Variants in ARHGAP17 observed in about 807,000 individuals in gnomAD.
ARHGAP17 encodes Rho GTPase activating protein 17, also known as rho GTPase-activating protein 17.
ARHGAP17 carries 57 observed loss-of-function variants against 99.5 expected under a neutral mutation model. The ratio of observed to expected loss-of-function variants is 0.57; its 90% CI spans 0.46 to 0.71. The LOEUF is 0.71. Ranked by LOEUF, ARHGAP17 falls within the 30% of genes least tolerant of loss-of-function variation. The pLI is 0.00. For missense variants in ARHGAP17, 1,000 were observed against 1,122.4 expected (o/e 0.89, Z 1.56); for synonymous variants, 417 against 429.6 (o/e 0.97, Z 0.36).
chr16:24,959,323 T>G (rs951603411), intron 9 of ARHGAP17, among the ~76,000 whole-genome samples: 2 of 152,202 alleles, frequency 1.3e-5, no homozygotes, highest in Non-Finnish European at 2.9e-5. Context: ...TGGCCAGAAT[T>G]AAGTCCTGTG....
At chr16:24,987,888 C>T (rs918774240) in intron 1 of ARHGAP17, among the ~76,000 whole-genome samples, 10 of 152,222 alleles carry the variant, frequency 6.6e-5, no homozygotes, top group African/African-American at 2.2e-4. Context: ...ATAAGACAGA[C>T]TGTGACTAAT....
chr16:24,990,603 G>A (rs2053009890), intron 1 of ARHGAP17, among the ~76,000 whole-genome samples: 1 of 151,974 alleles, frequency 6.6e-6, no homozygotes, highest in African/African-American at 2.4e-5. Context: ...ACTGCAGTGA[G>A]CCAAGATCAC....
rs373991305 is a variant in ARHGAP17, at chr16:24,997,065, A to G, written c.54-18060T>C. Among the ~76,000 whole-genome samples, 8 of 152,368 alleles carry G rather than the reference A, an allele frequency of 5.3e-5. No homozygotes were observed. In the East Asian group the frequency reaches 5.8e-4, roughly 11 times the overall value. On this transcript the variant is annotated intron_variant, in intron 1 of 19. Coordinates refer to ENST00000289968, the MANE Select transcript of ARHGAP17 (RefSeq NM_001006634.3). ...TCTGGTGGGTATTAAACAAGTCAAT[A>G]CACAACTTGGACTAGCGCAAGGTGC... is the stretch of plus-strand genomic sequence containing the variant.
At chr16:24,951,372 C>T (rs1384793560) in intron 12 of ARHGAP17, among the ~76,000 whole-genome samples, 1 of 152,166 alleles carries the variant, frequency 6.6e-6, no homozygotes, top group African/African-American at 2.4e-5. Context: ...TTAAAGATTA[C>T]AGGAGGTAAT....
At chr16:24,925,827 A>G (rs2050824400) in intron 19 of ARHGAP17, among the ~76,000 whole-genome samples, 1 of 152,102 alleles carries the variant, frequency 6.6e-6, no homozygotes, top group Non-Finnish European at 1.5e-5. Context: ...AAAGAAAAAA[A>G]GGGGCGGGTG....
At chr16:24,947,738 T>C (rs1291268806) in intron 13 of ARHGAP17, 143 bp from the exon 14 acceptor site, 14 of 634,124 alleles carry the variant, frequency 2.2e-5, no homozygotes, top group Non-Finnish European at 3.0e-5. Context: ...AGGTGAAGCA[T>C]TTTATACATT....
chr16:24,924,442 GT>G (rs11393454), intron 19 of ARHGAP17, among the ~76,000 whole-genome samples: 36 of 142,980 alleles, frequency 2.5e-4, no homozygotes, highest in Middle Eastern at 3.7e-3. Context: ...TCTCTTTTCT[GT>G]TTTTTTTTTT....
At chr16:24,991,849 T>C (rs1453574754) in intron 1 of ARHGAP17, among the ~76,000 whole-genome samples, 1 of 151,994 alleles carries the variant, frequency 6.6e-6, no homozygotes, top group Non-Finnish European at 1.5e-5. Context: ...TTTACGGAGT[T>C]CCCACTAAAT....
At chr16:24,982,996 ATTTTTT>A (rs1193522045) in intron 1 of ARHGAP17, among the ~76,000 whole-genome samples, 640 of 46,860 alleles carry the variant, frequency 0.014, 16 homozygotes, top group Admixed American at 0.02. Context: ...ATATATATAT[ATTTTTT>A]TTTTTTTTTT....
At chr16:24,976,505 G>A (rs559357631) in intron 3 of ARHGAP17, among the ~76,000 whole-genome samples, 4 of 152,038 alleles carry the variant, frequency 2.6e-5, no homozygotes, top group South Asian at 4.2e-4. Context: ...CTACAGCCTG[G>A]GTCATGGAGT....
At chr16:24,929,264 C>G (rs2050919701) in intron 19 of ARHGAP17, among the ~76,000 whole-genome samples, 1 of 151,610 alleles carries the variant, frequency 6.6e-6, no homozygotes, top group Non-Finnish European at 1.5e-5. Context: ...CTCCTGAGCT[C>G]AAGCAATCCT....
chr16:24,983,559 A>C (rs1489981600), intron 1 of ARHGAP17, among the ~76,000 whole-genome samples: 5 of 151,882 alleles, frequency 3.3e-5, no homozygotes, highest in Admixed American at 2.0e-4. Context: ...CCCGCCTCCA[A>C]CTCCCAAAGT....
At chr16:24,981,081 T>A (rs2052662159) in intron 1 of ARHGAP17, among the ~76,000 whole-genome samples, 1 of 152,194 alleles carries the variant, frequency 6.6e-6, no homozygotes, top group South Asian at 2.1e-4. Flanking sequence ...TGTGGGAAAG[T>A]TAGTAATAGC....
At position 24,955,088 on chromosome 16, in the gene ARHGAP17, G is replaced by A. The variant is rs552224617; in HGVS notation, c.725-358C>T. On this transcript the variant is annotated intron_variant, in intron 9 of 19. Transcript: ENST00000289968. The surrounding 1 kb of genome is among the most constrained non-coding windows in gnomAD (Gnocchi z 4.0). ...AAGATTTGCCAGAGCATACCGTTTC[G>A]TTGAAAAGAAATTTATTCTAGCCAT... is the stretch of plus-strand genomic sequence containing the variant. The A allele has an allele frequency of 2.1e-4, 40 of 188,696 alleles. No homozygotes were observed. The highest frequency in any genetic ancestry group is 8.2e-4 in the African/African-American group (35 of 42,906). The allele number at this position is 188,696 out of a possible 1,614,324, so 11.7% of individuals were successfully genotyped here.
chr16:25,012,506 A>G (rs1211264526), intron 1 of ARHGAP17, among the ~76,000 whole-genome samples: 1 of 152,196 alleles, frequency 6.6e-6, no homozygotes, highest in Non-Finnish European at 1.5e-5. Context: ...CGCAGGGGCG[A>G]AAACAAAAAA....
chr16:25,009,195 A>G (rs1031418108), intron 1 of ARHGAP17, among the ~76,000 whole-genome samples: 8 of 152,128 alleles, frequency 5.3e-5, no homozygotes, highest in African/African-American at 1.9e-4. Context: ...GCAAAACTCC[A>G]TCTCTACTAA....
At chr16:24,940,578 A>G (rs7186233) in intron 16 of ARHGAP17, among the ~76,000 whole-genome samples, 27,927 of 152,084 alleles carry the variant, frequency 0.18, 7,943 homozygotes, top group African/African-American at 0.61. Context: ...GTGCGTGCCT[A>G]TAGTCCCAGC....
intron 3 of ARHGAP17, among the ~76,000 whole-genome samples, chr16:24,975,871 A>G (rs1330416500): frequency 6.6e-6 from 1 of 152,166 alleles, no homozygotes; most frequent in African/African-American, 2.4e-5. Flanking sequence ...CACTGGCTCT[A>G]CCTAGGAACT....
At chr16:24,926,503 C>T (rs1174944866) in intron 19 of ARHGAP17, among the ~76,000 whole-genome samples, 1 of 152,158 alleles carries the variant, frequency 6.6e-6, no homozygotes, top group Admixed American at 6.5e-5. Context: ...CTCAAGTGAT[C>T]CACCCGCCTC....
Sources: allele counts gnomAD v4.1 joint callset (sites outside exome capture counted in the v4.1 genomes callset), GRCh38; gene constraint gnomAD v4.1.1; non-coding constraint Gnocchi (gnomAD v3.1); transcripts MANE v1.5; gene names NCBI Gene and HGNC (gene_info 2026-07-23, HGNC 2026-07-21).